CYFIP2: variants seen among roughly 807,000 people sequenced by gnomAD.
CYFIP2 encodes the protein cytoplasmic FMR1-interacting protein 2.
A neutral mutation model predicts 158.7 loss-of-function variants in CYFIP2; 29 were observed. That is an observed-to-expected ratio of 0.18 (90% CI 0.14 to 0.25). CYFIP2 has a LOEUF of 0.25. Ranked by LOEUF, CYFIP2 falls within the 10% of genes least tolerant of loss-of-function variation. The pLI, the probability that CYFIP2 is intolerant of heterozygous loss-of-function variation, is 1.00. For synonymous variants in CYFIP2, 585 were observed against 617.6 expected, an observed-to-expected ratio of 0.95 and a Z score of 0.78; for missense variants, 852 against 1,639.5, an observed-to-expected ratio of 0.52 and a Z score of 8.29.
intron 7 of CYFIP2, 100 bp downstream of exon 7, chr5:157,302,990 T>C (rs1758906589): frequency 3.5e-6 from 3 of 867,370 alleles, no homozygotes; most frequent in Non-Finnish European, 5.3e-6. Flanking sequence ...ACAAGCTCAG[T>C]CTGCAGCTTC....
intron 28 of CYFIP2, among the ~76,000 whole-genome samples, chr5:157,383,750 A>T (rs139814241): frequency 6.6e-6 from 1 of 152,262 alleles, no homozygotes; most frequent in Admixed American, 6.5e-5. Context: ...CTAGATGCTT[A>T]TGTAACATTG....
chr5:157,291,519 A>G (rs540498674), intron 3 of CYFIP2, among the ~76,000 whole-genome samples: 1 of 152,356 alleles, frequency 6.6e-6, no homozygotes, highest in South Asian at 2.1e-4. Context: ...CCAGTTAAAC[A>G]TTCACTGAAT....
chr5:157,277,098 A>G (rs1448499419), intron 1 of CYFIP2: 4 of 151,658 alleles, frequency 2.6e-5, no homozygotes, highest in African/African-American at 9.7e-5. Context: ...CAGTGGCTCA[A>G]TCTCAGCTCA....
At chr5:157,310,451 A>G (rs1239676042) in intron 10 of CYFIP2, among the ~76,000 whole-genome samples, 1 of 152,166 alleles carries the variant, frequency 6.6e-6, no homozygotes, top group East Asian at 1.9e-4. Context: ...CCTTTAGTCA[A>G]GGGCGAGTGT....
intron 15 of CYFIP2, among the ~76,000 whole-genome samples, chr5:157,321,058 C>A (rs769287750): frequency 6.6e-6 from 1 of 152,240 alleles, no homozygotes; most frequent in Non-Finnish European, 1.5e-5. Context: ...CTCTCTGTGC[C>A]TCAGTTGTTT....
At chr5:157,342,770 G>A in intron 23 of CYFIP2, 3 of 1,269,164 alleles carry the variant, frequency 2.4e-6, no homozygotes, top group Non-Finnish European at 3.2e-6. Context: ...TTTGATGGGA[G>A]AGAAATGGGT....
chr5:157,319,727 A>T (rs1760437262), intron 13 of CYFIP2, 35 bp from the exon 14 acceptor site: 6 of 1,609,790 alleles, frequency 3.7e-6, no homozygotes, highest in African/African-American at 1.3e-5. Context: ...TGTGCTGGAC[A>T]TGGTGAACAT....
At chr5:157,322,852 T>C (rs1000152485) in intron 15 of CYFIP2, 47 of 1,248,710 alleles carry the variant, frequency 3.8e-5, no homozygotes, top group Non-Finnish European at 5.0e-5. Context: ...CCTCTTGCTT[T>C]TCTCTCTCTC....
intron 19 of CYFIP2, among the ~76,000 whole-genome samples, chr5:157,329,178 A>G (rs943090375): frequency 1.3e-5 from 2 of 152,246 alleles, no homozygotes; most frequent in African/African-American, 4.8e-5. Flanking sequence ...TAAATGCTGT[A>G]AAGTATTGAA....
chr5:157,381,544 A>G (rs1561785707), intron 26 of CYFIP2, among the ~76,000 whole-genome samples: 1 of 151,282 alleles, frequency 6.6e-6, no homozygotes, highest in Non-Finnish European at 1.5e-5. Flanking sequence ...AAAAAAAAAA[A>G]AAAGGGGTGA....
intron 5 of CYFIP2, among the ~76,000 whole-genome samples, chr5:157,297,414 C>T (rs1758345031): frequency 6.6e-6 from 1 of 152,216 alleles, no homozygotes; most frequent in Non-Finnish European, 1.5e-5. Flanking sequence ...ATGTCTCTGA[C>T]ACCTTGGGAT....
At position 157,274,341 on chromosome 5, in the gene CYFIP2, G is replaced by A. The variant is rs372500818; in HGVS notation, c.-24+8146G>A. On this transcript the variant is annotated intron_variant, in intron 1 of 30. Transcript: ENST00000620254. ...TTTAATAAATGGAACAATACAATAC[G>A]GGGTCTTTAATGATTCGCTTCTTTC... Among the ~76,000 whole-genome samples the A allele has an allele frequency of 3.9e-5, 6 of 152,138 alleles. No homozygotes were observed. In the South Asian group the frequency reaches 6.2e-4, roughly 16 times the overall value.
In CYFIP2 at chr5:157,314,987, C is replaced by A; in HGVS notation, c.1249C>A (p.His417Asn). 1 of 1,579,450 alleles carries A rather than the reference C, an allele frequency of 6.3e-7. No homozygotes were observed. Among genetic ancestry groups the A allele is most frequent in the Non-Finnish European group, 8.6e-7 (1 of 1,162,120 alleles). Residue 417 changes from histidine (H) to asparagine (N), a missense_variant, in exon 13 of 31, where the codon CAT becomes AAT. Physicochemically the swap from His to Asn is moderately conservative, Grantham distance 68. Around this residue, in one of 8 missense-constraint regions of CYFIP2, gnomAD observed 10 missense variants for 40.4 expected, o/e 0.25. Coordinates refer to ENST00000620254, the MANE Select transcript of CYFIP2 (RefSeq NM_001037333.3). ...TCCCCAGTACTCTTGGAAGCTGGTTCATCCCACAGACAAGTTCTGCAACAA... is the reference window on the plus strand; with the variant it reads ...TCCCCAGTACTCTTGGAAGCTGGTTAATCCCACAGACAAGTTCTGCAACAA... ...VMEVYSWKLV[H>N]PTDKFCNKDC...
intron 28 of CYFIP2, among the ~76,000 whole-genome samples, chr5:157,387,940 G>T (rs1427981613): frequency 1.3e-5 from 2 of 152,180 alleles, no homozygotes; most frequent in African/African-American, 4.8e-5. Flanking sequence ...GGTGTCTCCT[G>T]ATTTCCTTCC....
intron 2 of CYFIP2, among the ~76,000 whole-genome samples, 168 bp downstream of exon 2, chr5:157,285,646 G>A (rs1270067844): frequency 2.6e-5 from 4 of 152,178 alleles, no homozygotes; most frequent in Non-Finnish European, 5.9e-5. Flanking sequence ...GAACAGATTA[G>A]CTACTAAATG....
chr5:157,280,180 A>G (rs932412212), intron 1 of CYFIP2, among the ~76,000 whole-genome samples: 5 of 152,036 alleles, frequency 3.3e-5, no homozygotes, highest in African/African-American at 1.2e-4. Context: ...CTTAATGGTT[A>G]TTCTGGTAAA....
intron 24 of CYFIP2, 97 bp downstream of exon 24, chr5:157,359,245 C>A: frequency 1.4e-6 from 2 of 1,412,100 alleles, no homozygotes; most frequent in South Asian, 1.3e-5. Context: ...AAAAACAAAT[C>A]CCAGGCACTG....
chr5:157,347,044 T>G (rs11743536), intron 23 of CYFIP2, among the ~76,000 whole-genome samples: 32,764 of 152,134 alleles, frequency 0.22, 3,901 homozygotes, highest in African/African-American at 0.3. Flanking sequence ...CAGATAGATG[T>G]AGACCTGAAT....
intron 16 of CYFIP2, among the ~76,000 whole-genome samples, chr5:157,324,445 C>G (rs1397011838): frequency 6.6e-6 from 1 of 152,168 alleles, no homozygotes; most frequent in Non-Finnish European, 1.5e-5. Flanking sequence ...AGGGGAGGCT[C>G]TCGAGCTGCA....
Sources: allele counts gnomAD v4.1 joint callset (sites outside exome capture counted in the v4.1 genomes callset), GRCh38; gene constraint gnomAD v4.1.1; regional missense constraint gnomAD v4.1.1; transcripts MANE v1.5; gene names NCBI Gene and HGNC (gene_info 2026-07-23, HGNC 2026-07-21).